The following DLG4 variants were observed in gnomAD, a reference collection of about 807,000 sequenced individuals.
DLG4 encodes disks large homolog 4.
DLG4 carries 7 observed loss-of-function variants against 93.8 expected under a neutral mutation model. The ratio of observed to expected loss-of-function variants is 0.07; its 90% confidence interval spans 0.04 to 0.14. The LOEUF (loss-of-function observed/expected upper bound fraction) is 0.14. Among genes scored for constraint, DLG4 ranks in the 10% least tolerant of loss-of-function variants. The pLI is 1.00. For missense variants in DLG4, 545 were observed against 992.9 expected, an observed-to-expected ratio of 0.55 and a Z score of 6.06; for synonymous variants, 341 against 387.6, an observed-to-expected ratio of 0.88 and a Z score of 1.41.
chr17:7,197,718 C>G (rs1426665301), intron 8 of DLG4, among the ~76,000 whole-genome samples: 2 of 152,154 alleles, frequency 1.3e-5, no homozygotes, highest in Non-Finnish European at 2.9e-5. Flanking sequence ...CTTCTGAACT[C>G]AAATGATCCA....
upstream of DLG4, chr17:7,217,679 G>T (rs980177734): frequency 3.4e-6 from 5 of 1,472,540 alleles, no homozygotes; most frequent in Non-Finnish European, 4.5e-6. Flanking sequence ...GAATGGGGGG[G>T]GTGCCTTGGC....
chr17:7,190,925 C>A, intron 19 of DLG4, 111 bp from the exon 20 acceptor site: 1 of 832,448 alleles, frequency 1.2e-6, no homozygotes, highest in South Asian at 1.4e-5. Flanking sequence ...CTCTCCAAGC[C>A]ATAAGTCCTG....
upstream of DLG4, chr17:7,218,123 G>T: frequency 2.1e-6 from 2 of 935,596 alleles, no homozygotes; most frequent in South Asian, 3.2e-5. Context: ...CTGGGCCACT[G>T]ACTCAGGCTT....
intron 1 of DLG4, among the ~76,000 whole-genome samples, chr17:7,215,044 T>C (rs1194656374): frequency 2.0e-5 from 3 of 152,178 alleles, no homozygotes; most frequent in Non-Finnish European, 4.4e-5. Context: ...ATGTGCCCCC[T>C]GCAGGCTCCT....
At position 7,194,433 on chromosome 17, in the gene DLG4, C is replaced by T. The variant is rs1355166210; in HGVS notation, c.1364G>A (p.Arg455His). 5 of 1,612,202 alleles carry T rather than the reference C, an allele frequency of 3.1e-6. No homozygotes were observed. The highest frequency in any genetic ancestry group is 2.2e-5 in the East Asian group (1 of 44,822). Residue 455 changes from arginine to histidine, a missense_variant, in exon 12 of 20, where the codon CGC becomes CAC. This residue lies in a region of DLG4 where 428 missense variants were observed against 741.4 expected (regional missense o/e 0.58). Transcript: ENST00000399506. This position sits in a 1 kb window ranked among gnomAD's most constrained non-coding sequence, Gnocchi z 4.4. ...CGFLSQALSF[R>H]FGDVLHVIDA... Reference sequence around the variant, plus strand: ...GATGACATGCAGCACATCCCCAAAGCGGAAGCTCAGGGCCTGGCTCAGGAA... The same window carrying T: ...GATGACATGCAGCACATCCCCAAAGTGGAAGCTCAGGGCCTGGCTCAGGAA...
In DLG4 at chr17:7,187,311, G is replaced by GA. The variant is rs994013299; in HGVS notation, c.*3396_*3397insT. ...TCCTAGCACTTTGGGAGGCCGAGGG[G>GA]GGGGGGGGTGGATCACCCGAGGTCA... On this transcript the variant is annotated 3_prime_UTR_variant, in exon 20 of 20. Coordinates refer to ENST00000399506, the MANE Select transcript of DLG4 (RefSeq NM_001321075.3). Among the ~76,000 whole-genome samples, 7 of 125,690 alleles carry GA rather than the reference G, an allele frequency of 5.6e-5. 2 individuals carry two copies. The highest frequency in any genetic ancestry group is 2.4e-4 in the Admixed American group (3 of 12,382). 82.5% of individuals were successfully genotyped at this position (125,690 alleles called of 152,430 possible). A position where few individuals can be genotyped will look rare whatever the true frequency, so the allele number is the denominator to read the frequency against.
chr17:7,192,933 G>A lies in DLG4; in HGVS notation c.1866+12C>T, dbSNP rs765290901. The A allele has an allele frequency of 1.5e-5, 24 of 1,602,644 alleles. No homozygotes were observed. Among genetic ancestry groups the A allele is most frequent in the South Asian group, 8.9e-5 (8 of 89,994 alleles). ...GGAGAAGGAAGAGGACCGGGTGCCC[G>A]CCAGGTCCTACCTGCTCTGCCACCT... On this transcript the variant is annotated intron_variant, in intron 17 of 19. Transcript: ENST00000399506.
rs1301422514 is a variant in DLG4 at position 7,190,384 on chromosome 17, G to C, written c.*324C>G. On this transcript the variant is annotated 3_prime_UTR_variant, in exon 20 of 20. Coordinates refer to ENST00000399506, the MANE Select transcript of DLG4 (RefSeq NM_001321075.3). ...TTCTGGAATGTGTGTGGGAGAGGAT[G>C]GGGGAGGGCAGGTGGCCCCCGGTGG... The C allele has an allele frequency of 2.7e-6, 1 of 373,844 alleles. No individual in the cohort carries two copies. The highest frequency in any genetic ancestry group is 5.1e-6 in the Non-Finnish European group (1 of 196,548). 23.2% of individuals were successfully genotyped at this position (373,844 alleles called of 1,614,324 possible). A position where few individuals can be genotyped will look rare whatever the true frequency, so the allele number is the denominator to read the frequency against.
At chr17:7,190,962 T>TA in intron 19 of DLG4, 148 bp from the exon 20 acceptor site, 25 of 516,218 alleles carry the variant, frequency 4.8e-5, no homozygotes, top group Admixed American at 1.0e-4. Flanking sequence ...CAGGGGCACC[T>TA]CTTTTTTTTT....
chr17:7,219,212 A>G (rs1331484181), upstream of DLG4: 7 of 330,768 alleles, frequency 2.1e-5, no homozygotes, highest in Non-Finnish European at 3.2e-5. Flanking sequence ...TTCCTGCCCT[A>G]GGGCTAGAGA....
At chr17:7,211,835 GGGTGA>G (rs1273392970) in intron 1 of DLG4, 1 of 21,022 alleles carries the variant, frequency 4.8e-5, no homozygotes. Flanking sequence ...GGGGGGGGGG[GGGTGA>G]CGGCGCCTGC....
intron 1 of DLG4, chr17:7,211,527 C>T (rs952010580): frequency 5.0e-6 from 1 of 201,334 alleles, no homozygotes. Context: ...CGGCGCCTGT[C>T]CACGAGAAGT....
chr17:7,218,227 C>T (rs2071023505), upstream of DLG4: 4 of 1,606,174 alleles, frequency 2.5e-6, no homozygotes, highest in South Asian at 3.4e-5. Context: ...AGGCGCTCGC[C>T]CCCACCTCCT....
At chr17:7,201,185 CTT>C (rs1377554146) in intron 8 of DLG4, among the ~76,000 whole-genome samples, 1 of 152,178 alleles carries the variant, frequency 6.6e-6, no homozygotes, top group African/African-American at 2.4e-5. Context: ...ACATTCTTAA[CTT>C]TGCATATTTT....
At position 7,194,026 on chromosome 17, in the gene DLG4, G is replaced by A. The variant is rs758708454; in HGVS notation, c.1479-26C>T. ...CTGTGGGATACATGGAGGGATACGC[G>A]GGTAGGGGAATGCCTACCCCCTGCC... is the stretch of plus-strand genomic sequence containing the variant. On this transcript the variant is annotated intron_variant, in intron 12 of 19. Transcript: ENST00000399506. This position sits in a 1 kb window ranked among gnomAD's most constrained non-coding sequence, Gnocchi z 4.4. 56 of 1,611,700 alleles carry A rather than the reference G, an allele frequency of 3.5e-5. No homozygotes were observed. Among genetic ancestry groups the A allele is most frequent in the Middle Eastern group, 1.6e-4 (1 of 6,080 alleles).
intron 2 of DLG4, among the ~76,000 whole-genome samples, chr17:7,206,338 A>G (rs1254107025): frequency 5.3e-5 from 8 of 151,874 alleles, no homozygotes; most frequent in African/African-American, 1.9e-4. Flanking sequence ...TCAAGTAACA[A>G]TCTTACACTT....
In DLG4 at chr17:7,191,552, A is replaced by T. The variant is rs1397795441; in HGVS notation, c.1977-194T>A. On this transcript the variant is annotated intron_variant, in intron 18 of 19. Coordinates refer to ENST00000399506, the MANE Select transcript of DLG4 (RefSeq NM_001321075.3). The surrounding 1 kb of genome is among the most constrained non-coding windows in gnomAD (Gnocchi z 6.6). Reference sequence around the variant, plus strand: ...CCTGCCACCCGCAACCGCCCCAGCCAGGTGTGGCTACTCCAGGGACATCTA... The same window carrying T: ...CCTGCCACCCGCAACCGCCCCAGCCTGGTGTGGCTACTCCAGGGACATCTA... 4 of 588,072 alleles carry T rather than the reference A, an allele frequency of 6.8e-6. No homozygotes were observed. The Admixed American group carries it at 1.1e-4, about 17-fold the overall frequency. The allele number at this position is 588,072 out of a possible 1,614,324, so 36.4% of individuals were successfully genotyped here. A position where few individuals can be genotyped will look rare whatever the true frequency, so the allele number is the denominator to read the frequency against.
intron 8 of DLG4, among the ~76,000 whole-genome samples, chr17:7,200,534 C>A (rs146611806): frequency 1.5e-4 from 20 of 137,254 alleles, no homozygotes; most frequent in Middle Eastern, 7.6e-3. Context: ...TTACAAATAG[C>A]CACATTCCTT....
chr17:7,212,212 T>C (rs1035463570), intron 1 of DLG4, among the ~76,000 whole-genome samples: 3 of 152,020 alleles, frequency 2.0e-5, no homozygotes, highest in Admixed American at 1.3e-4. Context: ...CCCCGCAAGA[T>C]TGGTGCTGTG....
Sources: allele counts gnomAD v4.1 joint callset (sites outside exome capture counted in the v4.1 genomes callset), GRCh38; gene constraint gnomAD v4.1.1; regional missense constraint gnomAD v4.1.1; non-coding constraint Gnocchi (gnomAD v3.1); transcripts MANE v1.5; gene names NCBI Gene and HGNC (gene_info 2026-07-23, HGNC 2026-07-21).